Variants in ZNF880 observed in about 807,000 individuals in gnomAD.
The protein encoded by ZNF880 is zinc finger protein 880.
Under a neutral mutation model 11.8 loss-of-function variants are expected in ZNF880, and 12 were observed. The observed-to-expected ratio is 1.02, with a 90% CI of 0.65 to 1.65. The LOEUF (loss-of-function observed/expected upper bound fraction) is 1.65. Among genes scored for constraint, ZNF880 ranks in the 40% most tolerant of loss-of-function variants. The probability of loss-of-function intolerance (pLI) is 0.00; values close to 1 mark genes in which losing one functional copy is unlikely to be tolerated. For synonymous variants in ZNF880, 210 were observed against 232.4 expected, an observed-to-expected ratio of 0.90 and a Z score of 0.88; for missense variants, 601 against 673.9, an observed-to-expected ratio of 0.89 and a Z score of 1.20.
At chr19:52,366,981 A>C (rs1986131636), upstream of ZNF880, 2 of 497,862 alleles carry the variant, frequency 4.0e-6, no homozygotes, top group South Asian at 8.6e-5. Flanking sequence ...ATATCAGAAT[A>C]GAGCATTTAA....
At chr19:52,370,071 C>T (rs1294001264) in intron 1 of ZNF880, 94 bp downstream of exon 1, 10 of 1,463,704 alleles carry the variant, frequency 6.8e-6, no homozygotes, top group East Asian at 4.9e-5. Flanking sequence ...CCTTGAAATC[C>T]CCGCATCGCT....
intron 3 of ZNF880, among the ~76,000 whole-genome samples, chr19:52,378,279 A>T (rs959944681): frequency 6.6e-6 from 1 of 152,088 alleles, no homozygotes; most frequent in Non-Finnish European, 1.5e-5. Context: ...TCCATACTTT[A>T]GTGGTGTGTG....
the ZNF880 span, among the ~76,000 whole-genome samples, chr19:52,394,121 A>G: frequency 5.3e-5 from 8 of 150,684 alleles, no homozygotes; most frequent in South Asian, 2.1e-4. Flanking sequence ...TTACAGGTGT[A>G]AGCCACTGCA....
At chr19:52,369,027 C>A, upstream of ZNF880, among the ~76,000 whole-genome samples, 4 of 127,360 alleles carry the variant, frequency 3.1e-5, no homozygotes, top group Admixed American at 2.5e-4. Flanking sequence ...GTCCATAAGA[C>A]AATGGCAGGT....
chr19:52,388,311 A>ATTTTTTTTTTTTTTTTGTT, downstream of ZNF880, among the ~76,000 whole-genome samples: 1 of 19,164 alleles, frequency 5.2e-5, no homozygotes, highest in African/African-American at 7.9e-4. Context: ...TTTTTTAGGC[A>ATTTTTTTTTTTTTTTTGTT]GAGTCTCTGT....
the ZNF880 span, among the ~76,000 whole-genome samples, chr19:52,393,615 G>GCTAAC: frequency 6.6e-6 from 1 of 152,032 alleles, no homozygotes. Flanking sequence ...CTACATAACT[G>GCTAAC]CTAACCTTGT....
chr19:52,374,554 C>A, intron 3 of ZNF880, 127 bp downstream of exon 3: 1 of 1,144,926 alleles, frequency 8.7e-7, no homozygotes, highest in Non-Finnish European at 1.3e-6. Flanking sequence ...AACTCATAGC[C>A]TCAAACTCCT....
the ZNF880 span, among the ~76,000 whole-genome samples, chr19:52,395,179 T>C: frequency 6.6e-6 from 1 of 152,194 alleles, no homozygotes; most frequent in East Asian, 1.9e-4. Flanking sequence ...CCCAAAGCAC[T>C]GTGATTACAG....
chr19:52,396,206 G>C, the ZNF880 span: 1 of 150,986 alleles, frequency 6.6e-6, no homozygotes, highest in Admixed American at 6.6e-5. Flanking sequence ...CCGACCTCAG[G>C]TGATCTGCCC....
At chr19:52,374,463 A>G in intron 3 of ZNF880, 36 bp downstream of exon 3, 1 of 1,266,162 alleles carries the variant, frequency 7.9e-7, no homozygotes, top group Non-Finnish European at 1.1e-6. Context: ...AGGCCCCATA[A>G]TTTTTTTTTT....
At position 52,384,391 on chromosome 19, in the gene ZNF880, C is replaced by A. The variant is rs1986796979; in HGVS notation, c.811C>A (p.His271Asn). The change falls in exon 4 of 4, where the codon CAT becomes AAT. Residue 271 changes from histidine to asparagine, a missense_variant. His to Asn is a moderately conservative substitution (Grantham distance 68). This residue lies in a region of ZNF880 where 420 missense variants were observed against 442.6 expected (regional missense o/e 0.95). Coordinates refer to ENST00000422689, the MANE Select transcript of ZNF880 (RefSeq NM_001145434.2). Reference protein sequence around the residue: ...IHTGEKPYKCHECGKVFTQNS... With the variant: ...IHTGEKPYKCNECGKVFTQNS... ...TACTGGAGAGAAACCTTACAAATGT[C>A]ATGAGTGTGGCAAAGTCTTCACTCA... The A allele has an allele frequency of 6.9e-7, 1 of 1,457,990 alleles. No individual in the cohort carries two copies. The highest frequency in any genetic ancestry group is 9.2e-7 in the Non-Finnish European group (1 of 1,086,432). The allele number at this position is 1,457,990 out of a possible 1,614,324, so 90.3% of individuals were successfully genotyped here. A position where few individuals can be genotyped will look rare whatever the true frequency, so the allele number is the denominator to read the frequency against.
chr19:52,372,990 C>A, intron 1 of ZNF880, 121 bp from the exon 2 acceptor site: 14 of 764,160 alleles, frequency 1.8e-5, no homozygotes, highest in Middle Eastern at 4.0e-4. Context: ...AAACATATAA[C>A]TAGCTAAAAA....
chr19:52,397,111 C>CA, the ZNF880 span: 1 of 149,702 alleles, frequency 6.7e-6, no homozygotes. Context: ...ACAACAACAA[C>CA]AAAAAACTAC....
the ZNF880 span, among the ~76,000 whole-genome samples, chr19:52,394,060 C>T: frequency 2.6e-5 from 4 of 151,508 alleles, no homozygotes; most frequent in African/African-American, 7.3e-5. Context: ...AGGATAGTCT[C>T]GATCTCCTGA....
chr19:52,393,874 T>C, the ZNF880 span, among the ~76,000 whole-genome samples: 12 of 140,662 alleles, frequency 8.5e-5, 1 homozygote, highest in South Asian at 2.9e-3. Flanking sequence ...TCTTGCTCTG[T>C]CGCCCAGGCT....
At chr19:52,388,846 A>C (rs1599794039), downstream of ZNF880, 1 of 152,206 alleles carries the variant, frequency 6.6e-6, no homozygotes, top group Non-Finnish European at 1.5e-5. Flanking sequence ...TAATTTATAA[A>C]GAAAAAGAAG....
At chr19:52,379,691 G>A (rs1986655152) in intron 3 of ZNF880, 1 of 219,246 alleles carries the variant, frequency 4.6e-6, no homozygotes, top group Non-Finnish European at 9.4e-6. Flanking sequence ...TGATCCACCC[G>A]CCTCAGCCTC....
chr19:52,378,314 A>G (rs1407507483), intron 3 of ZNF880, among the ~76,000 whole-genome samples: 8 of 152,064 alleles, frequency 5.3e-5, no homozygotes, highest in Non-Finnish European at 8.8e-5. Flanking sequence ...GGCTCTTCTG[A>G]GATTTTTACT....
chr19:52,388,636 TTA>T (rs1302373684), downstream of ZNF880, among the ~76,000 whole-genome samples: 1 of 152,010 alleles, frequency 6.6e-6, no homozygotes, highest in African/African-American at 2.4e-5. Flanking sequence ...AAAGTTTGTA[TTA>T]TATATTGAGA....
Sources: allele counts gnomAD v4.1 joint callset (sites outside exome capture counted in the v4.1 genomes callset), GRCh38; gene constraint gnomAD v4.1.1; regional missense constraint gnomAD v4.1.1; transcripts MANE v1.5; gene names NCBI Gene and HGNC (gene_info 2026-07-23, HGNC 2026-07-21).